Variants in CAMTA1 observed in about 807,000 individuals in gnomAD.
CAMTA1 encodes the protein calmodulin binding transcription activator 1.
In CAMTA1, 27 loss-of-function variants were observed where a neutral mutation model predicts 170.9. That is an observed-to-expected ratio of 0.16 (90% CI 0.12 to 0.22). The LOEUF (loss-of-function observed/expected upper bound fraction) is 0.22. Ranked by LOEUF, CAMTA1 falls within the 10% of genes least tolerant of loss-of-function variation. CAMTA1 has a pLI of 1.00. For missense variants in CAMTA1, 1,619 were observed against 2,217.2 expected, an observed-to-expected ratio of 0.73 and a Z score of 5.42; for synonymous variants, 833 against 891.5, an observed-to-expected ratio of 0.93 and a Z score of 1.17.
chr1:7,463,851 T>C lies in CAMTA1; in HGVS notation c.439-3979T>C, dbSNP rs954843022. 6.6e-6 allele frequency among the ~76,000 whole-genome samples: 1 copy of C among 152,240 alleles called. No individual in the cohort carries two copies. Among genetic ancestry groups the C allele is most frequent in the African/African-American group, 2.4e-5 (1 of 41,462 alleles). On this transcript the variant is annotated intron_variant, in intron 5 of 22. Coordinates refer to ENST00000303635, the MANE Select transcript of CAMTA1 (RefSeq NM_015215.4). The surrounding 1 kb of genome is among the most constrained non-coding windows in gnomAD (Gnocchi z 4.7). ...CTTTGGTGTGGGACCCCCACTGCGT[T>C]TGAGGGGGCTCTGCGGCCATGCTCC... is the stretch of plus-strand genomic sequence containing the variant.
intron 2 of CAMTA1, among the ~76,000 whole-genome samples, chr1:6,821,444 T>C (rs998486324): frequency 3.3e-5 from 5 of 152,186 alleles, no homozygotes; most frequent in African/African-American, 1.2e-4. Context: ...TCTAAGCACA[T>C]AATAATTAGA....
At chr1:7,692,385 G>C (rs1490581058) in intron 11 of CAMTA1, among the ~76,000 whole-genome samples, 1 of 152,124 alleles carries the variant, frequency 6.6e-6, no homozygotes, top group Non-Finnish European at 1.5e-5. Flanking sequence ...GAGAGGGAGG[G>C]GGTTTCTCAG....
chr1:7,751,205 C>G lies in CAMTA1; in HGVS notation c.4696C>G (p.Leu1566Val). 6.3e-7 allele frequency: 1 copy of G among 1,589,088 alleles called. No homozygotes were observed. ...RCYRKYKQYA[L>V]YKKMTQAAIL... ...GTTCTTGTTTCCCCTGCAGTACGCACTTTATAAAAAGATGACACAGGCTGC... is the reference window on the plus strand; with the variant it reads ...GTTCTTGTTTCCCCTGCAGTACGCAGTTTATAAAAAGATGACACAGGCTGC... The change falls in exon 20 of 23, where the codon CTT becomes GTT. Residue 1566 changes from leucine to valine, a missense_variant. Leu to Val is a conservative substitution (Grantham distance 32). Around this residue, in one of 8 missense-constraint regions of CAMTA1, gnomAD observed 128 missense variants for 213.5 expected, o/e 0.60. Transcript: ENST00000303635.
chr1:7,749,040 A>C (rs530499577), intron 19 of CAMTA1, among the ~76,000 whole-genome samples: 2 of 152,340 alleles, frequency 1.3e-5, no homozygotes, highest in African/African-American at 4.8e-5. Flanking sequence ...TCTCATTATC[A>C]AGGTGGTTAT....
At chr1:6,788,025 CA>C (rs1639915670) in intron 1 of CAMTA1, among the ~76,000 whole-genome samples, 1 of 152,116 alleles carries the variant, frequency 6.6e-6, no homozygotes, top group South Asian at 2.1e-4. Flanking sequence ...GTGAAATTAG[CA>C]AAATGTACCT....
chr1:6,854,570 C>T (rs758960652), intron 3 of CAMTA1, among the ~76,000 whole-genome samples: 5 of 152,178 alleles, frequency 3.3e-5, no homozygotes, highest in Non-Finnish European at 7.4e-5. Flanking sequence ...TACAACACTG[C>T]ACCCAATAAC....
chr1:7,584,828 C>A (rs2095294877), intron 6 of CAMTA1, among the ~76,000 whole-genome samples: 1 of 152,118 alleles, frequency 6.6e-6, no homozygotes, highest in Non-Finnish European at 1.5e-5. Flanking sequence ...CTGCTAGTGG[C>A]ATCTGGTGGG....
chr1:7,194,429 AT>A (rs994353402), intron 4 of CAMTA1, among the ~76,000 whole-genome samples: 117 of 151,812 alleles, frequency 7.7e-4, no homozygotes, highest in African/African-American at 1.4e-3. Context: ...TATACGTGAA[AT>A]TTTTTTTTAT....
At chr1:7,576,904 G>A (rs2095201722) in intron 6 of CAMTA1, among the ~76,000 whole-genome samples, 1 of 152,208 alleles carries the variant, frequency 6.6e-6, no homozygotes, top group Non-Finnish European at 1.5e-5. Flanking sequence ...CAGATACAGG[G>A]AATTTGTTAA....
rs189812301 is a variant in CAMTA1, at chr1:7,533,631, G to A, written c.510+65730G>A. On this transcript the variant is annotated intron_variant, in intron 6 of 22. Transcript: ENST00000303635. ...GCTGGACTAGACATTAGAAAACGTC[G>A]GCCGGGCACGGTGGCTCACGCCTGT... 2.1e-3 allele frequency among the ~76,000 whole-genome samples: 322 copies of A among 152,212 alleles called. 2 individuals carry two copies. Among genetic ancestry groups the A allele is most frequent in the South Asian group, 3.3e-3 (16 of 4,820 alleles).
intron 3 of CAMTA1, among the ~76,000 whole-genome samples, chr1:7,027,209 AAAG>A (rs1702142940): frequency 6.6e-6 from 1 of 152,176 alleles, no homozygotes; most frequent in Non-Finnish European, 1.5e-5. Flanking sequence ...AGTAGAAAAA[AAAG>A]AAATGTCTTC....
At chr1:7,337,822 C>T (rs1317932932) in intron 5 of CAMTA1, among the ~76,000 whole-genome samples, 2 of 152,180 alleles carry the variant, frequency 1.3e-5, no homozygotes, top group African/African-American at 4.8e-5. Context: ...AGTTTCCAGC[C>T]TGTTGCCTAG....
chr1:6,869,060 G>A (rs1052874940), intron 3 of CAMTA1, among the ~76,000 whole-genome samples: 2 of 152,222 alleles, frequency 1.3e-5, no homozygotes, highest in Non-Finnish European at 2.9e-5. Context: ...AGTTCTGCCA[G>A]TTGGGGATTT....
intron 6 of CAMTA1, among the ~76,000 whole-genome samples, chr1:7,640,161 G>A (rs974770846): frequency 9.2e-5 from 14 of 152,170 alleles, no homozygotes; most frequent in Admixed American, 2.6e-4. Flanking sequence ...GGTCACAGCC[G>A]GAGGGGGAGG....
chr1:6,876,552 A>G (rs1669949846), intron 3 of CAMTA1, among the ~76,000 whole-genome samples: 2 of 151,972 alleles, frequency 1.3e-5, no homozygotes, highest in Admixed American at 1.3e-4. Flanking sequence ...TAGTACAGAC[A>G]GGATTTCACT....
intron 11 of CAMTA1, among the ~76,000 whole-genome samples, chr1:7,683,246 C>T (rs2096228506): frequency 6.6e-6 from 1 of 151,498 alleles, no homozygotes; most frequent in South Asian, 2.1e-4. Context: ...CATCACTTGT[C>T]CCAGATAATG....
At position 7,443,824 on chromosome 1, in the gene CAMTA1, G is replaced by C. The variant is rs2092611546; in HGVS notation, c.439-24006G>C. 6.7e-6 allele frequency among the ~76,000 whole-genome samples: 1 copy of C among 148,858 alleles called. No individual in the cohort carries two copies. The highest frequency in any genetic ancestry group is 2.2e-4 in the South Asian group (1 of 4,472). On this transcript the variant is annotated intron_variant, in intron 5 of 22. Transcript: ENST00000303635. The surrounding 1 kb of genome is among the most constrained non-coding windows in gnomAD (Gnocchi z 4.1). ...TTGTACCTCCTGATATCCTGTCCAGGGTCCCAAGACAGCCTCTACAGGGGG... is the reference window on the plus strand; with the variant it reads ...TTGTACCTCCTGATATCCTGTCCAGCGTCCCAAGACAGCCTCTACAGGGGG...
intron 3 of CAMTA1, among the ~76,000 whole-genome samples, chr1:6,863,952 C>CT (rs1665694654): frequency 1.3e-5 from 2 of 152,138 alleles, no homozygotes; most frequent in Admixed American, 1.3e-4. Context: ...CCTTGACAGA[C>CT]TAAGTATTTT....
Position 7,065,488 on chromosome 1 carries a change from A to G in CAMTA1, c.235-25816A>G, listed in dbSNP as rs1708840814. Reference sequence around the variant, plus strand: ...CTGGAGGAAGAAAGGAAGAGAAACTAATTTTGACTGGGCAACTATGCAGAA... The same window carrying G: ...CTGGAGGAAGAAAGGAAGAGAAACTGATTTTGACTGGGCAACTATGCAGAA... On this transcript the variant is annotated intron_variant, in intron 3 of 22. Coordinates refer to ENST00000303635, the MANE Select transcript of CAMTA1 (RefSeq NM_015215.4). The surrounding 1 kb of genome is among the most constrained non-coding windows in gnomAD (Gnocchi z 5.2). Among the ~76,000 whole-genome samples, 1 of 152,196 alleles carries G rather than the reference A, an allele frequency of 6.6e-6. No individual in the cohort carries two copies. Among genetic ancestry groups the G allele is most frequent in the Non-Finnish European group, 1.5e-5 (1 of 68,030 alleles).
Sources: allele counts gnomAD v4.1 joint callset (sites outside exome capture counted in the v4.1 genomes callset), GRCh38; gene constraint gnomAD v4.1.1; regional missense constraint gnomAD v4.1.1; non-coding constraint Gnocchi (gnomAD v3.1); transcripts MANE v1.5; gene names NCBI Gene and HGNC (gene_info 2026-07-23, HGNC 2026-07-21).